The following GABRB1 variants were observed in gnomAD, a reference collection of about 807,000 sequenced individuals.
GABRB1 encodes the protein gamma-aminobutyric acid receptor subunit beta-1.
A neutral mutation model predicts 51.6 loss-of-function variants in GABRB1; 17 were observed. The ratio of observed to expected loss-of-function variants is 0.33; its 90% CI spans 0.23 to 0.49. GABRB1 has a LOEUF of 0.49. GABRB1 is among the 20% of genes least tolerant of loss of function. The pLI is 0.99. For missense variants in GABRB1, 410 were observed against 600.6 expected (o/e 0.68, Z 3.32); for synonymous variants, 247 against 218.9 (o/e 1.13, Z -1.14).
At chr4:47,064,641 CAAA>C (rs33963952) in intron 3 of GABRB1, among the ~76,000 whole-genome samples, 5 of 58,226 alleles carry the variant, frequency 8.6e-5, no homozygotes, top group African/African-American at 3.0e-4. Context: ...GACTCCATCT[CAAA>C]AAAAAAAAAA....
chr4:47,352,971 GT>G (rs1165649729), intron 5 of GABRB1, among the ~76,000 whole-genome samples: 1 of 152,198 alleles, frequency 6.6e-6, no homozygotes, highest in Non-Finnish European at 1.5e-5. Context: ...AGACAAAGAG[GT>G]TTAATTGAAC....
intron 3 of GABRB1, among the ~76,000 whole-genome samples, chr4:47,036,669 C>T (rs1486477436): frequency 6.6e-6 from 1 of 152,076 alleles, no homozygotes; most frequent in African/African-American, 2.4e-5. Context: ...TAAGACTAGC[C>T]TGGCCAACAT....
chr4:47,379,329 A>G (rs1387892932), intron 5 of GABRB1, among the ~76,000 whole-genome samples: 2 of 152,182 alleles, frequency 1.3e-5, no homozygotes, highest in Non-Finnish European at 2.9e-5. Context: ...TCTAGTAGAA[A>G]CCATACTTTG....
At chr4:47,325,259 A>G (rs1725218380) in intron 5 of GABRB1, among the ~76,000 whole-genome samples, 1 of 152,016 alleles carries the variant, frequency 6.6e-6, no homozygotes, top group African/African-American at 2.4e-5. Flanking sequence ...ACATGGTGAA[A>G]CCCCGTTTCT....
At chr4:47,389,549 A>G (rs1202013550) in intron 5 of GABRB1, among the ~76,000 whole-genome samples, 1 of 152,206 alleles carries the variant, frequency 6.6e-6, no homozygotes, top group Admixed American at 6.5e-5. Flanking sequence ...TCAGGAATCA[A>G]ACATTAAATG....
intron 4 of GABRB1, among the ~76,000 whole-genome samples, chr4:47,211,442 CAT>C (rs1328420330): frequency 1.3e-5 from 2 of 152,108 alleles, no homozygotes; most frequent in African/African-American, 4.8e-5. Flanking sequence ...AACAGAAACT[CAT>C]AGATGTTTCT....
At chr4:47,163,651 T>C in intron 4 of GABRB1, among the ~76,000 whole-genome samples, 1 of 151,926 alleles carries the variant, frequency 6.6e-6, no homozygotes, top group Non-Finnish European at 1.5e-5. Context: ...TACAATATAG[T>C]CATGTTACAA....
intron 4 of GABRB1, among the ~76,000 whole-genome samples, chr4:47,318,822 T>A (rs544627164): frequency 6.6e-6 from 1 of 152,260 alleles, no homozygotes; most frequent in East Asian, 1.9e-4. Context: ...TTTAAAAATG[T>A]AACGGTCCTC....
intron 3 of GABRB1, among the ~76,000 whole-genome samples, chr4:47,117,796 C>A (rs922438326): frequency 2.0e-5 from 3 of 152,082 alleles, no homozygotes; most frequent in Non-Finnish European, 2.9e-5. Context: ...TGCATTATCT[C>A]CAGTTTCCTC....
intron 3 of GABRB1, among the ~76,000 whole-genome samples, chr4:47,081,005 C>T (rs1727820288): frequency 6.6e-6 from 1 of 152,050 alleles, no homozygotes; most frequent in Non-Finnish European, 1.5e-5. Flanking sequence ...TATTTTGAAT[C>T]CAGAATCTGG....
intron 5 of GABRB1, among the ~76,000 whole-genome samples, chr4:47,391,759 A>C (rs955135922): frequency 6.6e-6 from 1 of 152,208 alleles, no homozygotes; most frequent in Non-Finnish European, 1.5e-5. Context: ...CCATAAACTC[A>C]AAACTCTAAG....
At chr4:47,058,930 T>C (rs570393807) in intron 3 of GABRB1, among the ~76,000 whole-genome samples, 4 of 152,320 alleles carry the variant, frequency 2.6e-5, no homozygotes, top group East Asian at 1.9e-4. Flanking sequence ...TTCTAGTTAG[T>C]AAATAAGTAA....
chr4:47,256,262 G>C (rs144055258), intron 4 of GABRB1, among the ~76,000 whole-genome samples: 2 of 152,166 alleles, frequency 1.3e-5, no homozygotes, highest in African/African-American at 4.8e-5. Flanking sequence ...AACTAGAATG[G>C]TTCTAATTTT....
At chr4:47,169,373 T>C (rs1448304639) in intron 4 of GABRB1, among the ~76,000 whole-genome samples, 2 of 152,208 alleles carry the variant, frequency 1.3e-5, no homozygotes, top group Admixed American at 6.5e-5. Context: ...CTTCCAAATG[T>C]GACCACCAAG....
chr4:47,309,689 A>G (rs1287711959), intron 4 of GABRB1, among the ~76,000 whole-genome samples: 1 of 152,168 alleles, frequency 6.6e-6, no homozygotes, highest in Non-Finnish European at 1.5e-5. Flanking sequence ...CTATAGGTTG[A>G]CCAAAGTAGC....
intron 8 of GABRB1, among the ~76,000 whole-genome samples, chr4:47,425,244 A>G (rs769927555): frequency 6.6e-6 from 1 of 152,206 alleles, no homozygotes; most frequent in Non-Finnish European, 1.5e-5. Flanking sequence ...GCAAGTATAT[A>G]TGAATAGAGA....
Position 47,196,696 on chromosome 4 carries a change from G to A in GABRB1, c.461+35227G>A, listed in dbSNP as rs544652000. 3.1e-3 allele frequency among the ~76,000 whole-genome samples: 477 copies of A among 152,276 alleles called. 4 individuals carry two copies. The highest frequency in any genetic ancestry group is 5.5e-3 in the Non-Finnish European group (376 of 68,014). ...TTGTTAGAGTTCTAAGAAAATGCATGCCCAAACAAATCAAAGTCTGGGTAT... is the reference window on the plus strand; with the variant it reads ...TTGTTAGAGTTCTAAGAAAATGCATACCCAAACAAATCAAAGTCTGGGTAT... On this transcript the variant is annotated intron_variant, in intron 4 of 8. Coordinates refer to ENST00000295454, the MANE Select transcript of GABRB1 (RefSeq NM_000812.4).
At chr4:47,362,097 T>C (rs1481985009) in intron 5 of GABRB1, among the ~76,000 whole-genome samples, 1 of 152,088 alleles carries the variant, frequency 6.6e-6, no homozygotes, top group African/African-American at 2.4e-5. Flanking sequence ...TCCGTATAAA[T>C]AGCAGGATGA....
intron 3 of GABRB1, among the ~76,000 whole-genome samples, chr4:47,088,437 G>C (rs1336622389): frequency 1.3e-5 from 2 of 152,192 alleles, no homozygotes; most frequent in African/African-American, 4.8e-5. Flanking sequence ...AAGCTAGCAA[G>C]ATAAAGACTG....
Sources: gnomAD v4.1 joint callset for allele counts (sites outside exome capture counted in the v4.1 genomes callset) on GRCh38, gnomAD v4.1.1 for gene constraint, MANE v1.5 for transcripts, NCBI Gene and HGNC (gene_info 2026-07-23, HGNC 2026-07-21) for gene names.